The following THSD7A variants were observed in gnomAD, a reference collection of about 807,000 sequenced individuals.
THSD7A encodes the protein thrombospondin type 1 domain containing 7A.
Under a neutral mutation model 231.3 loss-of-function variants are expected in THSD7A, and 96 were observed. The observed-to-expected ratio is 0.41, with a 90% confidence interval of 0.35 to 0.49. The LOEUF is 0.49. THSD7A is among the 20% of genes least tolerant of loss of function. The pLI is 0.05. For synonymous variants in THSD7A, 940 were observed against 743.3 expected (o/e 1.26, Z -4.30); for missense variants, 2,290 against 2,070.2 (o/e 1.11, Z -2.06).
chr7:11,491,199 C>A (rs761993445), intron 6 of THSD7A, among the ~76,000 whole-genome samples: 3 of 151,974 alleles, frequency 2.0e-5, no homozygotes, highest in Non-Finnish European at 2.9e-5. Context: ...GCTAAGGTTG[C>A]GAGGAAATCC....
intron 6 of THSD7A, among the ~76,000 whole-genome samples, chr7:11,535,642 T>A (rs73286887): frequency 0.023 from 3,504 of 152,056 alleles, 126 homozygotes; most frequent in African/African-American, 0.08. Flanking sequence ...AAGGAAACTT[T>A]GTTGACTTAT....
At chr7:11,597,940 C>G (rs571099308) in intron 2 of THSD7A, among the ~76,000 whole-genome samples, 1 of 152,268 alleles carries the variant, frequency 6.6e-6, no homozygotes, top group Non-Finnish European at 1.5e-5. Flanking sequence ...ATGGGGAGTT[C>G]CCTATGATCA....
chr7:11,378,755 TAAAA>T, intron 26 of THSD7A: 3 of 303,878 alleles, frequency 9.9e-6, no homozygotes, highest in South Asian at 4.2e-5. Context: ...ACACATTTTT[TAAAA>T]TTCATGTTTC....
chr7:11,512,195 C>A (rs1787839649), intron 6 of THSD7A, among the ~76,000 whole-genome samples: 1 of 152,192 alleles, frequency 6.6e-6, no homozygotes, highest in Non-Finnish European at 1.5e-5. Flanking sequence ...TGCTCATCAT[C>A]ACTGGCCATC....
chr7:11,663,148 A>G (rs1782996405), intron 1 of THSD7A, among the ~76,000 whole-genome samples: 2 of 151,414 alleles, frequency 1.3e-5, no homozygotes, highest in Admixed American at 1.3e-4. Flanking sequence ...ATTGATAACT[A>G]CTAATATAAA....
chr7:11,415,731 C>T (rs1054548154), intron 17 of THSD7A, among the ~76,000 whole-genome samples: 7 of 152,154 alleles, frequency 4.6e-5, no homozygotes, highest in Non-Finnish European at 8.8e-5. Flanking sequence ...AAACATAAAA[C>T]CTCCTGAACA....
intron 1 of THSD7A, among the ~76,000 whole-genome samples, chr7:11,688,274 T>C (rs1257825524): frequency 1.3e-5 from 2 of 151,792 alleles, no homozygotes; most frequent in African/African-American, 4.8e-5. Flanking sequence ...CCATGGTGTA[T>C]ATATGTGCCA....
Position 11,424,755 on chromosome 7 carries a change from C to T in THSD7A, c.3324G>A (p.Lys1108=), listed in dbSNP as rs1784262926. 2.5e-6 allele frequency: 4 copies of T among 1,613,888 alleles called. No homozygotes were observed. Among genetic ancestry groups the T allele is most frequent in the Admixed American group, 3.3e-5 (2 of 60,012 alleles). The change falls in exon 16 of 28, where the codon AAG becomes AAA. Residue 1108 remains lysine (K), a synonymous_variant. Transcript: ENST00000423059. ...LWVTEPWSIC[K]VTFVNMRENC... Reference sequence around the variant, plus strand: ...TCTCCCGCATATTCACAAAGGTCACCTTGCAGATGCTCCAGGGCTCTGTGA... The same window carrying T: ...TCTCCCGCATATTCACAAAGGTCACTTTGCAGATGCTCCAGGGCTCTGTGA...
chr7:11,446,251 A>G lies in THSD7A; in HGVS notation c.2874T>C (p.Cys958=), dbSNP rs746466667. The G allele has an allele frequency of 7.4e-6, 12 of 1,613,508 alleles. No homozygotes were observed. The South Asian group carries it at 1.2e-4, about 16-fold the overall frequency. The change falls in exon 13 of 28, where the codon TGT becomes TGC. Residue 958 remains cysteine (C), a synonymous_variant. Transcript: ENST00000423059. The surrounding 1 kb of genome is among the most constrained non-coding windows in gnomAD (Gnocchi z 4.0). ...YPLIETQYCP[C]DKYNAQPVGN... is the part of the protein sequence containing the mutation. ...CCACAGGTTGTGCATTATATTTGTC[A>G]CAAGGACAATACTGAGTCTCAATCA... is the stretch of plus-strand genomic sequence containing the variant.
At position 11,375,945 on chromosome 7, in the gene THSD7A, C is replaced by T. The variant is rs527243897; in HGVS notation, c.4890-67G>A. 1,809 of 1,499,814 alleles carry T rather than the reference C, an allele frequency of 1.2e-3. 14 individuals are homozygous for T. The highest frequency in any genetic ancestry group is 8.4e-3 in the Middle Eastern group (48 of 5,728). 92.9% of individuals were successfully genotyped at this position (1,499,814 alleles called of 1,614,324 possible). A position where few individuals can be genotyped will look rare whatever the true frequency, so the allele number is the denominator to read the frequency against. On this transcript the variant is annotated intron_variant, in intron 27 of 27. Coordinates refer to ENST00000423059, the MANE Select transcript of THSD7A (RefSeq NM_015204.3). ...TAATTGTAAATTTGATTGCTTTAAG[C>T]GAAAAAAAAGTAAAAGCAAATTGAT...
At chr7:11,379,352 G>C in intron 25 of THSD7A, 72 bp from the exon 26 acceptor site, 3 of 1,472,072 alleles carry the variant, frequency 2.0e-6, no homozygotes, top group South Asian at 1.2e-5. Context: ...CTGACTTGAA[G>C]AGAAGGCTTT....
intron 4 of THSD7A, among the ~76,000 whole-genome samples, chr7:11,577,931 T>C (rs967985588): frequency 1.3e-5 from 2 of 152,184 alleles, no homozygotes; most frequent in African/African-American, 4.8e-5. Context: ...CTGACTACCA[T>C]AACTATAGAA....
intron 6 of THSD7A, among the ~76,000 whole-genome samples, chr7:11,503,565 A>G (rs1039526270): frequency 6.6e-6 from 1 of 152,216 alleles, no homozygotes; most frequent in Non-Finnish European, 1.5e-5. Flanking sequence ...TGCATCTGAC[A>G]AAGATCTAAA....
chr7:11,758,979 A>T (rs1306876403), intron 1 of THSD7A, among the ~76,000 whole-genome samples: 2 of 152,072 alleles, frequency 1.3e-5, no homozygotes, highest in Non-Finnish European at 2.9e-5. Flanking sequence ...GTCAAAAAAA[A>T]CTTAAGTAAA....
At chr7:11,829,130 G>A (rs373739277) in intron 1 of THSD7A, among the ~76,000 whole-genome samples, 7 of 151,916 alleles carry the variant, frequency 4.6e-5, no homozygotes, top group Admixed American at 1.3e-4. Flanking sequence ...CATGTTATCT[G>A]TAAGGCTTCT....
intron 1 of THSD7A, among the ~76,000 whole-genome samples, chr7:11,777,728 T>C (rs185471609): frequency 3.3e-5 from 5 of 152,268 alleles, no homozygotes; most frequent in Admixed American, 1.3e-4. Context: ...AGCAACTCCA[T>C]ATTAAATTAA....
rs1782404306 is a variant in THSD7A at position 11,379,162 on chromosome 7, TCTC to T, written c.4706_4708del (p.Gly1569del). ...ATGTACAGCCCGACTGGTTTTCACATCTCCTCTTTTGTCCTCCATGGTGGGTAA... is the reference window on the plus strand; with the variant it reads ...ATGTACAGCCCGACTGGTTTTCACATCTCTTTTGTCCTCCATGGTGGGTAA... On this transcript the variant is annotated inframe_deletion, in exon 26 of 28. Transcript: ENST00000423059. 3.7e-6 allele frequency: 6 copies of T among 1,613,572 alleles called. No individual in the cohort carries two copies. The highest frequency in any genetic ancestry group is 2.2e-5 in the East Asian group (1 of 44,870).
Position 11,718,054 on chromosome 7 carries a change from T to C in THSD7A, c.191-81093A>G, listed in dbSNP as rs550861654. On this transcript the variant is annotated intron_variant, in intron 1 of 27. Coordinates refer to ENST00000423059, the MANE Select transcript of THSD7A (RefSeq NM_015204.3). ...ATCACAAATATATATGCAATCATTA[T>C]GGAAGTAATTTGCATAAGAGGAAAT... is the stretch of plus-strand genomic sequence containing the variant. 3.2e-4 allele frequency among the ~76,000 whole-genome samples: 48 copies of C among 151,700 alleles called. 1 individual carries two copies. The highest frequency in any genetic ancestry group is 6.0e-4 in the Non-Finnish European group (41 of 67,784).
At chr7:11,538,088 T>C (rs1352865547) in intron 6 of THSD7A, among the ~76,000 whole-genome samples, 1 of 152,212 alleles carries the variant, frequency 6.6e-6, no homozygotes, top group African/African-American at 2.4e-5. Context: ...TGTTTGGGTT[T>C]CTTAACAATC....
Sources: allele counts gnomAD v4.1 joint callset (sites outside exome capture counted in the v4.1 genomes callset), GRCh38; gene constraint gnomAD v4.1.1; non-coding constraint Gnocchi (gnomAD v3.1); transcripts MANE v1.5; gene names NCBI Gene and HGNC (gene_info 2026-07-23, HGNC 2026-07-21).